PDE3B: variants seen among roughly 807,000 people sequenced by gnomAD.
The protein encoded by PDE3B is phosphodiesterase 3B, also known as cGMP-inhibited 3',5'-cyclic phosphodiesterase 3B.
A neutral mutation model predicts 116.8 loss-of-function variants in PDE3B; 66 were observed. The ratio of observed to expected loss-of-function variants is 0.56; its 90% CI spans 0.46 to 0.69. PDE3B has a LOEUF of 0.69. Among genes scored for constraint, PDE3B ranks in the 30% least tolerant of loss-of-function variants. The pLI, the probability that PDE3B is intolerant of heterozygous loss-of-function variation, is 0.00. For missense variants in PDE3B, 1,384 were observed against 1,368.1 expected (o/e 1.01, Z -0.18); for synonymous variants, 595 against 533.6 (o/e 1.12, Z -1.59).
chr11:14,771,158 T>C (rs1857632142), intron 1 of PDE3B, among the ~76,000 whole-genome samples: 1 of 151,714 alleles, frequency 6.6e-6, no homozygotes, highest in Non-Finnish European at 1.5e-5. Flanking sequence ...TTCAAAGCTA[T>C]GTACAAAATG....
At chr11:14,889,810 G>A in the PDE3B span, among the ~76,000 whole-genome samples, 1 of 152,042 alleles carries the variant, frequency 6.6e-6, no homozygotes, top group Non-Finnish European at 1.5e-5. Flanking sequence ...TTTGGAGGTC[G>A]AACAAATGTG....
chr11:14,717,620 A>G (rs1855947245), intron 1 of PDE3B, among the ~76,000 whole-genome samples: 1 of 99,082 alleles, frequency 1.0e-5, no homozygotes, highest in Non-Finnish European at 2.1e-5. Context: ...AATATTCAAC[A>G]TTCTTAAAGA....
Position 14,797,589 on chromosome 11 carries a change from C to G in PDE3B, c.1416-6355C>G, listed in dbSNP as rs572779842. Reference sequence around the variant, plus strand: ...ATGGAATGTTTTTTCATTTGTTTGTCCTCTCTTATTTCCTTGAGCAGTAGT... The same window carrying G: ...ATGGAATGTTTTTTCATTTGTTTGTGCTCTCTTATTTCCTTGAGCAGTAGT... On this transcript the variant is annotated intron_variant, in intron 4 of 15. Coordinates refer to ENST00000282096, the MANE Select transcript of PDE3B (RefSeq NM_000922.4). 7.2e-5 allele frequency among the ~76,000 whole-genome samples: 11 copies of G among 151,916 alleles called. No homozygotes were observed. In the South Asian group the frequency reaches 1.7e-3, roughly 23 times the overall value.
chr11:14,700,953 C>G (rs1855342484), intron 1 of PDE3B: 1 of 151,458 alleles, frequency 6.6e-6, no homozygotes, highest in Admixed American at 6.6e-5. Context: ...TTTTGTTGTT[C>G]TTTAGGTACC....
intron 4 of PDE3B, among the ~76,000 whole-genome samples, chr11:14,793,121 A>G (rs1452876233): frequency 1.3e-5 from 2 of 152,116 alleles, no homozygotes; most frequent in African/African-American, 2.4e-5. Context: ...TAAGTTTCAG[A>G]TCTGGGATGA....
Sources: gnomAD v4.1 joint callset for allele counts (sites outside exome capture counted in the v4.1 genomes callset) on GRCh38, gnomAD v4.1.1 for gene constraint, MANE v1.5 for transcripts, NCBI Gene and HGNC (gene_info 2026-07-23, HGNC 2026-07-21) for gene names.